RNF13: variants seen among roughly 807,000 people sequenced by gnomAD.
RNF13 encodes the protein ring finger protein 13, also known as E3 ubiquitin-protein ligase RNF13.
Under a neutral mutation model 37.7 loss-of-function variants are expected in RNF13, and 19 were observed. The observed-to-expected ratio is 0.50, with a 90% CI of 0.35 to 0.74. The LOEUF is 0.74. RNF13 is among the 30% of genes least tolerant of loss of function. RNF13 has a pLI of 0.01. For synonymous variants in RNF13, 144 were observed against 157.8 expected, an observed-to-expected ratio of 0.91 and a Z score of 0.65; for missense variants, 375 against 453.0, an observed-to-expected ratio of 0.83 and a Z score of 1.56.
intron 3 of RNF13, among the ~76,000 whole-genome samples, chr3:149,853,703 C>G (rs768163692): frequency 5.3e-5 from 8 of 151,832 alleles, no homozygotes; most frequent in Non-Finnish European, 8.8e-5. Flanking sequence ...TCTTTTTCCT[C>G]TACCTCTGGG....
intron 8 of RNF13, among the ~76,000 whole-genome samples, chr3:149,937,363 C>T (rs1000365565): frequency 6.6e-6 from 1 of 152,060 alleles, no homozygotes; most frequent in Non-Finnish European, 1.5e-5. Flanking sequence ...TGCCTAATAA[C>T]TTAAGGGAGG....
intron 3 of RNF13, among the ~76,000 whole-genome samples, chr3:149,865,329 G>GATATAT (rs3028509): frequency 0.4 from 54,893 of 138,668 alleles, 11,382 homozygotes; most frequent in Non-Finnish European, 0.47. Context: ...ATGTTTTGGT[G>GATATAT]ATATATATAT....
At position 149,960,063 on chromosome 3, in the gene RNF13, G is replaced by A. The variant is rs949834917; in HGVS notation, c.708G>A (p.Glu236=). The A allele has an allele frequency of 5.6e-6, 9 of 1,609,512 alleles. No homozygotes were observed. In the African/African-American group the frequency reaches 6.7e-5, roughly 12 times the overall value. The change falls in exon 9 of 10, where the codon GAG becomes GAA. Residue 236 remains glutamate, a synonymous_variant. Transcript: ENST00000392894. The stretch of plus-strand genomic sequence containing the variant: ...CATATTTTCTGTTTTCAGGAGATGA[G>A]TATGATGTATGTGCCATTTGTTTGG... The part of the protein sequence containing the change: ...LPVHKFKKGD[E]YDVCAICLDE...
At chr3:149,815,789 A>G (rs1719380984) in intron 1 of RNF13, among the ~76,000 whole-genome samples, 1 of 152,254 alleles carries the variant, frequency 6.6e-6, no homozygotes, top group Non-Finnish European at 1.5e-5. Flanking sequence ...AACAACAACA[A>G]AACAGTAATG....
At chr3:149,887,668 G>A in intron 4 of RNF13, among the ~76,000 whole-genome samples, 1 of 152,150 alleles carries the variant, frequency 6.6e-6, no homozygotes. Context: ...GACTGTTTTA[G>A]TTTTTCATTT....
chr3:149,883,999 G>T (rs932848553), intron 4 of RNF13, among the ~76,000 whole-genome samples: 1 of 152,144 alleles, frequency 6.6e-6, no homozygotes. Context: ...ACGGCATCCA[G>T]CTCCATTCAT....
At chr3:149,907,889 T>C (rs1475037630) in intron 6 of RNF13, among the ~76,000 whole-genome samples, 1 of 152,266 alleles carries the variant, frequency 6.6e-6, no homozygotes, top group Non-Finnish European at 1.5e-5. Flanking sequence ...TGGAATTTTT[T>C]TGATTAAGGA....
intron 5 of RNF13, among the ~76,000 whole-genome samples, chr3:149,899,082 T>C (rs1576843707): frequency 6.6e-6 from 1 of 152,000 alleles, no homozygotes; most frequent in African/African-American, 2.4e-5. Flanking sequence ...GGGGATAAGG[T>C]TAGAGAAGGA....
chr3:149,881,008 T>C (rs1184480479), intron 4 of RNF13, among the ~76,000 whole-genome samples: 1 of 152,188 alleles, frequency 6.6e-6, no homozygotes, highest in Non-Finnish European at 1.5e-5. Context: ...TTACCTACAC[T>C]ACCTATACGA....
chr3:149,888,462 G>A (rs1039623418), intron 4 of RNF13, among the ~76,000 whole-genome samples: 1 of 152,236 alleles, frequency 6.6e-6, no homozygotes, highest in Non-Finnish European at 1.5e-5. Context: ...GGAAATGAAT[G>A]TATGCTGTTG....
intron 3 of RNF13, among the ~76,000 whole-genome samples, chr3:149,869,567 C>T (rs1711764184): frequency 6.6e-6 from 1 of 151,480 alleles, no homozygotes; most frequent in Non-Finnish European, 1.5e-5. Flanking sequence ...GATCCCGCCA[C>T]TGCACTCCAG....
chr3:149,850,961 A>G (rs1723068028), intron 2 of RNF13, among the ~76,000 whole-genome samples: 1 of 152,222 alleles, frequency 6.6e-6, no homozygotes, highest in Non-Finnish European at 1.5e-5. Flanking sequence ...CGCTGAAGCA[A>G]TTACCACATA....
chr3:149,938,312 G>A (rs1719909095), intron 8 of RNF13, among the ~76,000 whole-genome samples: 1 of 151,678 alleles, frequency 6.6e-6, no homozygotes, highest in Non-Finnish European at 1.5e-5. Flanking sequence ...CAAGTAGCTG[G>A]GACTATAGGT....
At chr3:149,958,137 C>A (rs1722037979) in intron 8 of RNF13, among the ~76,000 whole-genome samples, 1 of 152,182 alleles carries the variant, frequency 6.6e-6, no homozygotes, top group Non-Finnish European at 1.5e-5. Flanking sequence ...CCCAAATATA[C>A]CTGTATTAGT....
rs141723636 is a variant in RNF13, at chr3:149,853,923, G to A, written c.195+1327G>A. On this transcript the variant is annotated intron_variant, in intron 3 of 9. Transcript: ENST00000392894. ...ACAATCTTGGCTCACTGCAACGTCC[G>A]CCTTCTGGGCTCAAGTGATCCTCCC... Among the ~76,000 whole-genome samples the A allele has an allele frequency of 6.6e-3, 973 of 146,660 alleles. 12 individuals carry two copies. The highest frequency in any genetic ancestry group is 0.023 in the African/African-American group (927 of 39,566).
At chr3:149,853,793 A>G (rs936366410) in intron 3 of RNF13, among the ~76,000 whole-genome samples, 4 of 149,234 alleles carry the variant, frequency 2.7e-5, no homozygotes, top group African/African-American at 7.4e-5. Context: ...GATATGTACC[A>G]TAGAATGTTT....
At chr3:149,819,354 A>G (rs1356764948) in intron 1 of RNF13, among the ~76,000 whole-genome samples, 1 of 152,206 alleles carries the variant, frequency 6.6e-6, no homozygotes, top group African/African-American at 2.4e-5. Flanking sequence ...GCAAAATATT[A>G]CCTAATATAT....
At chr3:149,862,771 A>G (rs1724400101) in intron 3 of RNF13, among the ~76,000 whole-genome samples, 1 of 152,160 alleles carries the variant, frequency 6.6e-6, no homozygotes, top group Non-Finnish European at 1.5e-5. Flanking sequence ...ATTCACACTC[A>G]TCAAATTAGT....
intron 8 of RNF13, among the ~76,000 whole-genome samples, chr3:149,956,796 G>C (rs1449980741): frequency 1.3e-5 from 2 of 152,040 alleles, no homozygotes; most frequent in Non-Finnish European, 2.9e-5. Context: ...AGCCTGCAGG[G>C]GTTTCTATGA....
Sources: gnomAD v4.1 joint callset for allele counts (sites outside exome capture counted in the v4.1 genomes callset) on GRCh38, gnomAD v4.1.1 for gene constraint, MANE v1.5 for transcripts, NCBI Gene and HGNC (gene_info 2026-07-23, HGNC 2026-07-21) for gene names.